Variants in ZNF362 observed in about 807,000 individuals in gnomAD.
The protein encoded by ZNF362 is rotund homolog.
ZNF362 carries 11 observed loss-of-function variants against 42.9 expected under a neutral mutation model. That is an observed-to-expected ratio of 0.26 (90% CI 0.16 to 0.42). The LOEUF is 0.42. Ranked by LOEUF, ZNF362 falls within the 20% of genes least tolerant of loss-of-function variation. The pLI, the probability that ZNF362 is intolerant of heterozygous loss-of-function variation, is 1.00. For missense variants in ZNF362, 362 were observed against 576.2 expected, an observed-to-expected ratio of 0.63 and a Z score of 3.81; for synonymous variants, 255 against 257.3, an observed-to-expected ratio of 0.99 and a Z score of 0.09.
rs1235982441 is a variant in ZNF362, at chr1:33,294,840, G to A, written c.909-97G>A. On this transcript the variant is annotated intron_variant, in intron 6 of 8. Coordinates refer to ENST00000539719, the MANE Select transcript of ZNF362 (RefSeq NM_152493.3). This position sits in a 1 kb window ranked among gnomAD's most constrained non-coding sequence, Gnocchi z 4.2. ...CCTTGGGGAGCATGGGCAGGGTAGG[G>A]ACCGAGAGGCTTAGGGGCCAGAGTA... 5.9e-6 allele frequency: 8 copies of A among 1,357,624 alleles called. No homozygotes were observed. The highest frequency in any genetic ancestry group is 6.2e-6 in the Non-Finnish European group (6 of 960,022). 84.1% of individuals were successfully genotyped at this position (1,357,624 alleles called of 1,614,324 possible).
chr1:33,189,720 C>CTATATAT, the ZNF362 span, among the ~76,000 whole-genome samples: 1 of 83,898 alleles, frequency 1.2e-5, no homozygotes, highest in South Asian at 4.5e-4. Context: ...TATATATATA[C>CTATATAT]ATACACACAT....
chr1:33,224,698 G>A, the ZNF362 span, among the ~76,000 whole-genome samples: 7 of 152,150 alleles, frequency 4.6e-5, no homozygotes, highest in Admixed American at 2.6e-4. Flanking sequence ...TTGGAATCTC[G>A]AAGTGAAAGG....
chr1:33,154,632 T>C, the ZNF362 span, among the ~76,000 whole-genome samples: 1 of 151,068 alleles, frequency 6.6e-6, no homozygotes, highest in African/African-American at 2.4e-5. Context: ...ACACCGTCTC[T>C]ACTAAAAATA....
At chr1:33,292,653 C>G (rs1000781381) in intron 6 of ZNF362, among the ~76,000 whole-genome samples, 4 of 152,172 alleles carry the variant, frequency 2.6e-5, no homozygotes, top group African/African-American at 7.2e-5. Context: ...GGTACCAGCT[C>G]CTCCTTGTAC....
At chr1:33,222,639 C>G in the ZNF362 span, among the ~76,000 whole-genome samples, 2 of 152,242 alleles carry the variant, frequency 1.3e-5, no homozygotes, top group Non-Finnish European at 2.9e-5. Context: ...TGCCTTCTTT[C>G]TATTGCACAA....
chr1:33,144,961 A>G, the ZNF362 span, among the ~76,000 whole-genome samples: 1 of 152,190 alleles, frequency 6.6e-6, no homozygotes, highest in Non-Finnish European at 1.5e-5. Flanking sequence ...ATTATGTGAA[A>G]TTGGTATCCT....
rs763300046 is a variant in ZNF362 at position 33,276,421 on chromosome 1, C to T, written c.176C>T (p.Pro59Leu). The change falls in exon 4 of 9, where the codon CCG (proline) becomes CTG (leucine). Residue 59 changes from proline (P) to leucine (L), a missense_variant. Pro to Leu is a moderately conservative substitution (Grantham distance 98). Transcript: ENST00000539719. ...GAGAAGATCAGGCCGCCTCACCTGC[C>T]GCCCACGTCGGCCTCGTCGCAGCAG... The part of the protein sequence containing the change: ...MAEKIRPPHL[P>L]PTSASSQQPL... The T allele has an allele frequency of 9.2e-5, 145 of 1,582,354 alleles. No homozygotes were observed. Among genetic ancestry groups the T allele is most frequent in the Non-Finnish European group, 1.2e-4 (137 of 1,165,226 alleles).
At position 33,279,129 on chromosome 1, in the gene ZNF362, A is replaced by T. The variant is rs377080040; in HGVS notation, c.350-995A>T. Reference sequence around the variant, plus strand: ...AGCCTCGACCTCTGGGGCTCAAGTGATCCTCCCACCCCAGCCTCCCTAGTA... The same window carrying T: ...AGCCTCGACCTCTGGGGCTCAAGTGTTCCTCCCACCCCAGCCTCCCTAGTA... On this transcript the variant is annotated intron_variant, in intron 4 of 8. Transcript: ENST00000539719. Among the ~76,000 whole-genome samples, 3 of 152,060 alleles carry T rather than the reference A, an allele frequency of 2.0e-5. No individual in the cohort carries two copies. In the East Asian group the frequency reaches 5.8e-4, roughly 29 times the overall value.
At chr1:33,176,461 C>G in the ZNF362 span, 1 of 695,290 alleles carries the variant, frequency 1.4e-6, no homozygotes, top group Non-Finnish European at 2.6e-6. Flanking sequence ...ATGAAGGAAG[C>G]CTTGGGAAGG....
chr1:33,230,248 C>A, the ZNF362 span, among the ~76,000 whole-genome samples: 2 of 152,248 alleles, frequency 1.3e-5, no homozygotes, highest in East Asian at 3.9e-4. Context: ...AGGATTAAAT[C>A]TGGAAAGTAA....
the ZNF362 span, among the ~76,000 whole-genome samples, chr1:33,207,258 C>T: frequency 2.0e-5 from 3 of 152,088 alleles, no homozygotes; most frequent in Non-Finnish European, 2.9e-5. Flanking sequence ...GCTTCATCCA[C>T]GTCCCTGCAA....
At chr1:33,213,003 C>T in the ZNF362 span, among the ~76,000 whole-genome samples, 1 of 152,054 alleles carries the variant, frequency 6.6e-6, no homozygotes, top group African/African-American at 2.4e-5. Flanking sequence ...CACATCCATA[C>T]AATGGAAATG....
In ZNF362 at chr1:33,276,472, C is replaced by A; in HGVS notation, c.227C>A (p.Ala76Asp). Residue 76 changes from alanine (A) to aspartate (D), a missense_variant, in exon 4 of 9, where the codon GCC becomes GAC. By Grantham distance (126) the Ala-to-Asp change is moderately radical. Coordinates refer to ENST00000539719, the MANE Select transcript of ZNF362 (RefSeq NM_152493.3). ...CCGTTGCTAGTGCCGCCGGCACCCG[C>A]CGAGAGCAGCCAGGCCGTCATGTCG... ...QQPLLVPPAPAESSQAVMSLP... is the reference protein window; with the variant it reads ...QQPLLVPPAPDESSQAVMSLP... The A allele has an allele frequency of 6.3e-7, 1 of 1,590,366 alleles. No individual in the cohort carries two copies.
the ZNF362 span, among the ~76,000 whole-genome samples, chr1:33,243,621 G>T: frequency 6.7e-6 from 1 of 150,342 alleles, no homozygotes; most frequent in Non-Finnish European, 1.5e-5. Context: ...TTTTTAGACG[G>T]AGTCTCGCTC....
At chr1:33,144,131 ACTT>A in the ZNF362 span, among the ~76,000 whole-genome samples, 1 of 53,380 alleles carries the variant, frequency 1.9e-5, no homozygotes, top group African/African-American at 5.9e-5. Context: ...CTTTAATGTT[ACTT>A]CTTTTTTTTT....
chr1:33,276,590 C>A lies in ZNF362; in HGVS notation c.345C>A (p.Val115=). ...ALHARPATST[V]TGLGLSTRTP... ...ACGCACGGCCGGCCACCAGCACCGTCACAGGTAGGCCGAGCGGGCGGGGCC... is the reference window on the plus strand; with the variant it reads ...ACGCACGGCCGGCCACCAGCACCGTAACAGGTAGGCCGAGCGGGCGGGGCC... The change falls in exon 4 of 9, where the codon GTC becomes GTA. Residue 115 remains valine, a synonymous_variant. Transcript: ENST00000539719. 1.5e-6 allele frequency: 2 copies of A among 1,347,760 alleles called. No individual in the cohort carries two copies. Among genetic ancestry groups the A allele is most frequent in the South Asian group, 1.8e-5 (1 of 56,412 alleles). 83.5% of individuals were successfully genotyped at this position (1,347,760 alleles called of 1,614,324 possible).
the ZNF362 span, among the ~76,000 whole-genome samples, chr1:33,224,874 C>G: frequency 1.2e-4 from 19 of 152,038 alleles, no homozygotes; most frequent in African/African-American, 3.9e-4. Context: ...CTTCTGAAAG[C>G]CAAAGACAAA....
At chr1:33,224,010 C>T in the ZNF362 span, among the ~76,000 whole-genome samples, 1 of 151,970 alleles carries the variant, frequency 6.6e-6, no homozygotes, top group Non-Finnish European at 1.5e-5. Context: ...TGTATCTTCT[C>T]TTGAGAAAAA....
At chr1:33,223,334 G>A in the ZNF362 span, among the ~76,000 whole-genome samples, 2 of 152,186 alleles carry the variant, frequency 1.3e-5, no homozygotes, top group African/African-American at 4.8e-5. Flanking sequence ...TGTGAGATGT[G>A]CCTTTTACCT....
Sources: allele counts gnomAD v4.1 joint callset (sites outside exome capture counted in the v4.1 genomes callset), GRCh38; gene constraint gnomAD v4.1.1; non-coding constraint Gnocchi (gnomAD v3.1); transcripts MANE v1.5; gene names NCBI Gene and HGNC (gene_info 2026-07-23, HGNC 2026-07-21).